CTSS: variants seen among roughly 807,000 people sequenced by gnomAD.
CTSS encodes the protein cathepsin S.
CTSS carries 15 observed loss-of-function variants against 39.9 expected under a neutral mutation model. The observed-to-expected ratio is 0.38, with a 90% confidence interval of 0.25 to 0.58. CTSS has a LOEUF of 0.58. CTSS is among the 20% of genes least tolerant of loss of function. CTSS has a pLI of 0.70. For synonymous variants in CTSS, 126 were observed against 138.2 expected (o/e 0.91, Z 0.62); for missense variants, 250 against 398.2 (o/e 0.63, Z 3.17).
At chr1:150,738,668 C>G (rs1015411495) in intron 7 of CTSS, among the ~76,000 whole-genome samples, 1 of 151,814 alleles carries the variant, frequency 6.6e-6, no homozygotes, top group African/African-American at 2.4e-5. Flanking sequence ...AAAAAACTAT[C>G]TGTAGAGACA....
At chr1:150,760,605 T>C (rs1653234460) in intron 2 of CTSS, among the ~76,000 whole-genome samples, 1 of 152,164 alleles carries the variant, frequency 6.6e-6, no homozygotes, top group Admixed American at 6.6e-5. Context: ...TAGAAAGTCT[T>C]GGCCAGGTGT....
At chr1:150,756,708 C>CTTTTTTTTTTTTTTTTTTTTTT (rs72242218) in intron 3 of CTSS, among the ~76,000 whole-genome samples, 5 of 131,184 alleles carry the variant, frequency 3.8e-5, no homozygotes, top group African/African-American at 2.8e-5. Flanking sequence ...TTCTTTCTTT[C>CTTTTTTTTTTTTTTTTTTTTTT]TTTTTTTTTT....
chr1:150,758,049 G>A, intron 2 of CTSS, 69 bp from the exon 3 acceptor site: 1 of 1,512,918 alleles, frequency 6.6e-7, no homozygotes, highest in Non-Finnish European at 8.9e-7. Context: ...TGATGAAAAT[G>A]GCAATTTTTT....
chr1:150,757,751 A>G (rs1025917147), intron 3 of CTSS, 107 bp downstream of exon 3: 1 of 1,189,616 alleles, frequency 8.4e-7, no homozygotes, highest in Non-Finnish European at 1.2e-6. Flanking sequence ...ACTTTGTACT[A>G]TACATTCCTT....
chr1:150,746,241 G>A (rs1652893152), intron 7 of CTSS, among the ~76,000 whole-genome samples: 2 of 152,132 alleles, frequency 1.3e-5, no homozygotes, highest in African/African-American at 4.8e-5. Flanking sequence ...TGTCATTTAA[G>A]CTGCTCAGTT....
chr1:150,752,521 A>C (rs1385581414), intron 4 of CTSS, among the ~76,000 whole-genome samples: 1 of 152,218 alleles, frequency 6.6e-6, no homozygotes, highest in African/African-American at 2.4e-5. Flanking sequence ...ACAAACAAAA[A>C]AAGGCAAAGC....
chr1:150,750,312 C>G (rs956265210), intron 5 of CTSS, 141 bp from the exon 6 acceptor site: 1 of 591,906 alleles, frequency 1.7e-6, no homozygotes, highest in African/African-American at 1.8e-5. Flanking sequence ...TGCAAATCTT[C>G]CAAATCCTAA....
intron 2 of CTSS, among the ~76,000 whole-genome samples, chr1:150,762,628 C>G (rs1453409103): frequency 6.6e-6 from 1 of 152,092 alleles, no homozygotes; most frequent in East Asian, 1.9e-4. Flanking sequence ...ATAGACATTT[C>G]TCAAAACAAG....
At chr1:150,740,817 CCCAAGTAGCTGGGA>C (rs1456557283) in intron 7 of CTSS, among the ~76,000 whole-genome samples, 1 of 151,872 alleles carries the variant, frequency 6.6e-6, no homozygotes, top group Non-Finnish European at 1.5e-5. Flanking sequence ...ACCTCAGTCT[CCCAAGTAGCTGGGA>C]CCACAAGTGT....
intron 5 of CTSS, 97 bp from the exon 6 acceptor site, chr1:150,750,268 T>G (rs1652982787): frequency 2.0e-6 from 2 of 987,990 alleles, no homozygotes; most frequent in African/African-American, 1.6e-5. Flanking sequence ...CCTTCCTTTC[T>G]TTAACTTTTT....
chr1:150,749,351 A>G (rs1652956394), intron 6 of CTSS, among the ~76,000 whole-genome samples: 1 of 152,192 alleles, frequency 6.6e-6, no homozygotes, highest in Non-Finnish European at 1.5e-5. Context: ...AGAAAGTGAA[A>G]CAGCCTTATT....
At chr1:150,749,600 T>TTGCCCTGCCC (rs587632563) in intron 6 of CTSS, among the ~76,000 whole-genome samples, 3 of 12,730 alleles carry the variant, frequency 2.4e-4, no homozygotes, top group African/African-American at 3.6e-4. Flanking sequence ...CCGCCCCACC[T>TTGCCCTGCCC]TGCCCTGCCC....
intron 7 of CTSS, among the ~76,000 whole-genome samples, chr1:150,747,498 G>A (rs148765268): frequency 3.1e-4 from 47 of 152,214 alleles, no homozygotes; most frequent in African/African-American, 1.1e-3. Flanking sequence ...ACATTTTTGG[G>A]CTAAATAGAG....
Position 150,757,798 on chromosome 1 carries a change from G to C in CTSS, c.249+60C>G, listed in dbSNP as rs1653164562. The C allele has an allele frequency of 1.4e-5, 22 of 1,562,720 alleles. 1 individual carries two copies. The East Asian group carries it at 4.8e-4, about 34-fold the overall frequency. Reference sequence around the variant, plus strand: ...TTTACCTTCAAATTGCTTTTGGGGAGACAGAAAGGAAATGATATTTACCCA... The same window carrying C: ...TTTACCTTCAAATTGCTTTTGGGGACACAGAAAGGAAATGATATTTACCCA... On this transcript the variant is annotated intron_variant, in intron 3 of 7. Transcript: ENST00000368985.
At position 150,757,949 on chromosome 1, in the gene CTSS, T is replaced by A. The variant is rs1653168158; in HGVS notation, c.158A>T (p.Glu53Val). The A allele has an allele frequency of 1.9e-6, 3 of 1,613,998 alleles. No individual in the cohort carries two copies. In the Admixed American group the frequency reaches 5.0e-5, roughly 27 times the overall value. Residue 53 changes from glutamate to valine, a missense_variant, in exon 3 of 8, where the codon GAA (glutamate) becomes GTA (valine). Glu to Val is a moderately radical substitution (Grantham distance 121). Transcript: ENST00000368985. Reference sequence around the variant, plus strand: ...AAGCATCACAAACTTTAGATTCTTTTCCCAGATGAGACGTCGTACTGCTTC... The same window carrying A: ...AAGCATCACAAACTTTAGATTCTTTACCCAGATGAGACGTCGTACTGCTTC... ...NEEAVRRLIW[E>V]KNLKFVMLHN...
chr1:150,741,638 C>T (rs1367264243), intron 7 of CTSS, among the ~76,000 whole-genome samples: 2 of 152,168 alleles, frequency 1.3e-5, no homozygotes, highest in Admixed American at 1.3e-4. Context: ...CTTTGGGAGG[C>T]CAAGACAGGC....
intron 2 of CTSS, 112 bp downstream of exon 2, chr1:150,764,526 C>T: frequency 6.9e-7 from 1 of 1,445,114 alleles, no homozygotes; most frequent in Non-Finnish European, 9.5e-7. Flanking sequence ...GCGCGAGCCA[C>T]CACACCCAGC....
chr1:150,738,797 G>A (rs924545564), intron 7 of CTSS, among the ~76,000 whole-genome samples: 1 of 152,152 alleles, frequency 6.6e-6, no homozygotes, highest in Non-Finnish European at 1.5e-5. Context: ...TAAGTGGTGT[G>A]TGTTCTGACT....
intron 6 of CTSS, among the ~76,000 whole-genome samples, chr1:150,749,052 C>A (rs1652951091): frequency 1.3e-5 from 2 of 152,210 alleles, no homozygotes; most frequent in Admixed American, 1.3e-4. Context: ...ACCCCCATCT[C>A]TCTCCTCAGG....
Sources: allele counts gnomAD v4.1 joint callset (sites outside exome capture counted in the v4.1 genomes callset), GRCh38; gene constraint gnomAD v4.1.1; transcripts MANE v1.5; gene names NCBI Gene and HGNC (gene_info 2026-07-23, HGNC 2026-07-21).